The following RAB30 variants were observed in gnomAD, a reference collection of about 807,000 sequenced individuals.
RAB30 encodes ras-related protein Rab-30.
In RAB30, 9 loss-of-function variants were observed where a neutral mutation model predicts 25.1. The ratio of observed to expected loss-of-function variants is 0.36; its 90% CI spans 0.22 to 0.63. The LOEUF is 0.63. Ranked by LOEUF, RAB30 falls within the 20% of genes least tolerant of loss-of-function variation. The pLI is 0.69. For synonymous variants in RAB30, 77 were observed against 86.4 expected, an observed-to-expected ratio of 0.89 and a Z score of 0.60; for missense variants, 140 against 243.5, an observed-to-expected ratio of 0.58 and a Z score of 2.83.
chr11:83,069,337 C>T (rs1460604629), intron 1 of RAB30, among the ~76,000 whole-genome samples: 1 of 152,158 alleles, frequency 6.6e-6, no homozygotes, highest in Non-Finnish European at 1.5e-5. Context: ...TAGTTGCCTC[C>T]AGATGGATAG....
intron 1 of RAB30, among the ~76,000 whole-genome samples, chr11:82,999,653 C>A (rs1404204756): frequency 6.6e-6 from 1 of 152,186 alleles, no homozygotes; most frequent in Non-Finnish European, 1.5e-5. Flanking sequence ...TACTTAAATA[C>A]CATGGGATTG....
chr11:83,022,619 T>G (rs114485678), intron 1 of RAB30, among the ~76,000 whole-genome samples: 2,484 of 152,232 alleles, frequency 0.016, 72 homozygotes, highest in African/African-American at 0.057. Flanking sequence ...TAAATAAGTA[T>G]CCTTTATTTT....
intron 1 of RAB30, among the ~76,000 whole-genome samples, chr11:82,997,786 G>A (rs924697237): frequency 6.6e-6 from 1 of 152,174 alleles, no homozygotes; most frequent in Non-Finnish European, 1.5e-5. Flanking sequence ...GAAGAGGAAG[G>A]AACTATAAAG....
chr11:83,020,759 G>A (rs547140299), intron 1 of RAB30, among the ~76,000 whole-genome samples: 200 of 152,326 alleles, frequency 1.3e-3, no homozygotes, highest in Middle Eastern at 0.01. Context: ...ACAGAGGGAG[G>A]ATGGGACAAC....
chr11:83,002,572 A>C (rs1857108353), intron 1 of RAB30, among the ~76,000 whole-genome samples: 1 of 152,234 alleles, frequency 6.6e-6, no homozygotes, highest in Non-Finnish European at 1.5e-5. Flanking sequence ...ATCTAGTATG[A>C]AAAGCTTAAA....
At chr11:82,995,278 TCTA>T (rs1841643235) in intron 2 of RAB30, among the ~76,000 whole-genome samples, 1 of 152,232 alleles carries the variant, frequency 6.6e-6, no homozygotes, top group African/African-American at 2.4e-5. Context: ...AAGAAAATGT[TCTA>T]CTGCATGTTT....
intron 1 of RAB30, among the ~76,000 whole-genome samples, chr11:83,008,470 C>A (rs1486995605): frequency 6.6e-6 from 1 of 152,202 alleles, no homozygotes; most frequent in Non-Finnish European, 1.5e-5. Flanking sequence ...TTGTCTAGAG[C>A]TTTACACACA....
rs115726461 is a variant in RAB30, at chr11:82,995,198, A to G, written c.94-1076T>C. On this transcript the variant is annotated intron_variant, in intron 2 of 4. Transcript: ENST00000527633. Reference sequence around the variant, plus strand: ...AAAATGGACGTTATTAGTTCTGGCAACTATGACTCAGATATCTTTAATTAA... The same window carrying G: ...AAAATGGACGTTATTAGTTCTGGCAGCTATGACTCAGATATCTTTAATTAA... Among the ~76,000 whole-genome samples, 1,432 of 152,316 alleles carry G rather than the reference A, an allele frequency of 9.4e-3. 18 individuals are homozygous for G. Among genetic ancestry groups the G allele is most frequent in the African/African-American group, 0.032 (1,338 of 41,562 alleles).
intron 2 of RAB30, among the ~76,000 whole-genome samples, chr11:82,996,268 C>G (rs989347623): frequency 3.9e-5 from 6 of 152,192 alleles, no homozygotes; most frequent in African/African-American, 1.4e-4. Flanking sequence ...TGGAAGGGGC[C>G]TTGGAGCTCA....
chr11:83,046,857 GC>G (rs1250005005), intron 1 of RAB30, among the ~76,000 whole-genome samples: 1 of 152,048 alleles, frequency 6.6e-6, no homozygotes, highest in Non-Finnish European at 1.5e-5. Context: ...ATCATATGTG[GC>G]CCCCAAAGCC....
At chr11:83,049,439 C>G (rs1187016640) in intron 1 of RAB30, among the ~76,000 whole-genome samples, 1 of 141,730 alleles carries the variant, frequency 7.1e-6, no homozygotes, top group Non-Finnish European at 1.5e-5. Flanking sequence ...CAACATTTGC[C>G]TGGTTTTTCT....
intron 4 of RAB30, among the ~76,000 whole-genome samples, chr11:82,983,711 C>T (rs983766996): frequency 2.0e-5 from 3 of 151,910 alleles, no homozygotes; most frequent in Non-Finnish European, 2.9e-5. Context: ...TGGGATTACA[C>T]GCAATTGAGC....
At chr11:83,004,406 A>C (rs1181557575) in intron 1 of RAB30, among the ~76,000 whole-genome samples, 1 of 152,202 alleles carries the variant, frequency 6.6e-6, no homozygotes, top group Non-Finnish European at 1.5e-5. Flanking sequence ...AATGAACTGG[A>C]CATCCCATCT....
chr11:82,999,192 T>C (rs1041455103), intron 1 of RAB30, among the ~76,000 whole-genome samples: 3 of 152,218 alleles, frequency 2.0e-5, no homozygotes, highest in Non-Finnish European at 4.4e-5. Flanking sequence ...TCTACAAGTA[T>C]ATAAGGTTTG....
At chr11:83,066,678 G>A (rs1858705568) in intron 1 of RAB30, among the ~76,000 whole-genome samples, 1 of 152,132 alleles carries the variant, frequency 6.6e-6, no homozygotes, top group Non-Finnish European at 1.5e-5. Context: ...AGCCTCCTGA[G>A]TAGCTGGGAC....
chr11:83,041,660 C>G (rs1858119377), intron 1 of RAB30: 1 of 154,168 alleles, frequency 6.5e-6, no homozygotes, highest in Non-Finnish European at 1.5e-5. Flanking sequence ...ACTGGTTACC[C>G]TGATGTGTTC....
intron 1 of RAB30, among the ~76,000 whole-genome samples, chr11:83,061,781 G>A (rs1858589482): frequency 6.8e-6 from 1 of 147,598 alleles, no homozygotes; most frequent in Non-Finnish European, 1.5e-5. Flanking sequence ...GAATTCCTGG[G>A]CTCAAGCATT....
At chr11:82,991,538 A>G (rs947122167) in intron 3 of RAB30, among the ~76,000 whole-genome samples, 1 of 151,390 alleles carries the variant, frequency 6.6e-6, no homozygotes, top group South Asian at 2.1e-4. Context: ...AAAGATGACA[A>G]TAAGACAACT....
rs1388397004 is a variant in RAB30, at chr11:82,980,281, A to C, written c.*1884T>G. ...CAGAGACAGATTCTAAAAGAAAAAC[A>C]AGTCAAACTTCTGGGATGCCTTTCT... On this transcript the variant is annotated 3_prime_UTR_variant, in exon 5 of 5. Coordinates refer to ENST00000527633, the MANE Select transcript of RAB30 (RefSeq NM_001286060.2). 1 of 152,222 alleles carries C rather than the reference A, an allele frequency of 6.6e-6. No individual in the cohort carries two copies. The highest frequency in any genetic ancestry group is 1.5e-5 in the Non-Finnish European group (1 of 68,034). The allele number at this position is 152,222 out of a possible 1,614,324, so 9.4% of individuals were successfully genotyped here.
Sources: gnomAD v4.1 joint callset for allele counts (sites outside exome capture counted in the v4.1 genomes callset) on GRCh38, gnomAD v4.1.1 for gene constraint, MANE v1.5 for transcripts, NCBI Gene and HGNC (gene_info 2026-07-23, HGNC 2026-07-21) for gene names.